YTHDF3: variants seen among roughly 807,000 people sequenced by gnomAD.
The protein encoded by YTHDF3 is YTH N6-methyladenosine RNA binding protein F3, also known as YTH domain-containing family protein 3.
In YTHDF3, 9 loss-of-function variants were observed where a neutral mutation model predicts 52.5. The observed-to-expected ratio is 0.17, with a 90% CI of 0.10 to 0.30. The LOEUF (loss-of-function observed/expected upper bound fraction) is 0.30, where lower values mean the gene tolerates loss of function less well. Among genes scored for constraint, YTHDF3 ranks in the 10% least tolerant of loss-of-function variants. The probability of loss-of-function intolerance (pLI) is 1.00; values close to 1 mark genes in which losing one functional copy is unlikely to be tolerated. For missense variants in YTHDF3, 534 were observed against 715.0 expected, an observed-to-expected ratio of 0.75 and a Z score of 2.89; for synonymous variants, 274 against 243.3, an observed-to-expected ratio of 1.13 and a Z score of -1.18.
intron 4 of YTHDF3, among the ~76,000 whole-genome samples, chr8:63,195,515 C>G (rs969885878): frequency 1.3e-5 from 2 of 151,894 alleles, no homozygotes; most frequent in East Asian, 1.9e-4. Flanking sequence ...TTCAAATGTG[C>G]AGCAATAGAG....
chr8:63,169,122 G>T (rs1807099119), intron 1 of YTHDF3: 5 of 1,421,564 alleles, frequency 3.5e-6, no homozygotes, highest in Non-Finnish European at 3.7e-6. Flanking sequence ...GCAAGGACCG[G>T]TCTTAGGGGC....
intron 4 of YTHDF3, among the ~76,000 whole-genome samples, chr8:63,192,581 A>G (rs1301937397): frequency 6.6e-6 from 1 of 152,102 alleles, no homozygotes; most frequent in Non-Finnish European, 1.5e-5. Flanking sequence ...GTTTTTGTCC[A>G]GTTTTCTTCC....
chr8:63,207,961 T>C (rs941614864), intron 4 of YTHDF3, among the ~76,000 whole-genome samples: 1 of 152,224 alleles, frequency 6.6e-6, no homozygotes, highest in Non-Finnish European at 1.5e-5. Flanking sequence ...TTTCAACTGG[T>C]TTGTGAAAAG....
intron 3 of YTHDF3, among the ~76,000 whole-genome samples, chr8:63,183,352 T>G (rs911828514): frequency 3.3e-5 from 5 of 152,230 alleles, no homozygotes; most frequent in African/African-American, 1.2e-4. Flanking sequence ...TTAATCACAG[T>G]GACTTTTTGT....
chr8:63,195,893 C>T (rs1809206948), intron 4 of YTHDF3, among the ~76,000 whole-genome samples: 1 of 152,006 alleles, frequency 6.6e-6, no homozygotes, highest in Non-Finnish European at 1.5e-5. Context: ...CCTCGACTTT[C>T]CAGGCTCAGG....
intron 4 of YTHDF3, among the ~76,000 whole-genome samples, chr8:63,204,439 G>A (rs1302950127): frequency 2.0e-5 from 3 of 146,766 alleles, no homozygotes; most frequent in Non-Finnish European, 3.0e-5. Context: ...TCGGGTCACC[G>A]CACCCTCCAC....
rs527534600 is a variant in YTHDF3 at position 63,209,587 on chromosome 8, A to G, written c.1735-96A>G. 9.1e-5 allele frequency: 110 copies of G among 1,204,220 alleles called. 1 individual carries two copies. In the East Asian group the frequency reaches 2.4e-3, roughly 26 times the overall value. 74.6% of individuals were successfully genotyped at this position (1,204,220 alleles called of 1,614,324 possible). A position where few individuals can be genotyped will look rare whatever the true frequency, so the allele number is the denominator to read the frequency against. ...ATTAGTACTTGAACTTTATATGGAG[A>G]TGATTTACATTATATGTGCATATAG... On this transcript the variant is annotated intron_variant, in intron 4 of 4. Coordinates refer to ENST00000539294, the MANE Select transcript of YTHDF3 (RefSeq NM_152758.6).
intron 3 of YTHDF3, among the ~76,000 whole-genome samples, chr8:63,183,242 T>C (rs1039253539): frequency 2.0e-5 from 3 of 152,196 alleles, no homozygotes; most frequent in African/African-American, 4.8e-5. Context: ...ATTATAGGCA[T>C]GAACCACGGT....
At chr8:63,190,492 T>C (rs13262420) in intron 4 of YTHDF3, among the ~76,000 whole-genome samples, 7 of 152,188 alleles carry the variant, frequency 4.6e-5, no homozygotes, top group Non-Finnish European at 1.0e-4. Context: ...TATTGTTTCA[T>C]TGTTTTGTTA....
At chr8:63,206,331 G>A (rs1810031043) in intron 4 of YTHDF3, among the ~76,000 whole-genome samples, 1 of 152,068 alleles carries the variant, frequency 6.6e-6, no homozygotes, top group Non-Finnish European at 1.5e-5. Flanking sequence ...CCAAAGTGCT[G>A]GGATTACAGG....
At chr8:63,198,774 T>G (rs1316479746) in intron 4 of YTHDF3, among the ~76,000 whole-genome samples, 3 of 152,222 alleles carry the variant, frequency 2.0e-5, no homozygotes, top group Non-Finnish European at 4.4e-5. Context: ...TGAAGTGTAT[T>G]CTATTACCCT....
intron 4 of YTHDF3, among the ~76,000 whole-genome samples, chr8:63,192,943 C>A (rs1180291011): frequency 5.3e-5 from 8 of 151,744 alleles, no homozygotes; most frequent in Non-Finnish European, 4.4e-5. Context: ...TACTATATCC[C>A]CAAGTGAATA....
chr8:63,177,945 G>A (rs1004321346), intron 3 of YTHDF3, among the ~76,000 whole-genome samples: 1 of 152,020 alleles, frequency 6.6e-6, no homozygotes, highest in African/African-American at 2.4e-5. Context: ...TTTAGGAGAG[G>A]TGAGGTTTCA....
rs777802604 is a variant in YTHDF3, at chr8:63,186,195, G to A, written c.184G>A (p.Ala62Thr). The stretch of plus-strand genomic sequence containing the variant: ...AGATCCATACATGCCTAGTTACTAT[G>A]CTCCATCCATTGGATTTCCATATTC... ...MSDPYMPSYY[A>T]PSIGFPYSLG... The change falls in exon 4 of 5, where the codon GCT becomes ACT. Residue 62 changes from alanine to threonine, a missense_variant. Around this residue, in one of 3 missense-constraint regions of YTHDF3, gnomAD observed 196 missense variants for 299.5 expected, o/e 0.65. Transcript: ENST00000539294. The A allele has an allele frequency of 1.2e-6, 2 of 1,613,812 alleles. No homozygotes were observed. The highest frequency in any genetic ancestry group is 2.7e-5 in the African/African-American group (2 of 74,904).
intron 3 of YTHDF3, among the ~76,000 whole-genome samples, chr8:63,183,612 C>CT (rs1242638229): frequency 9.9e-5 from 15 of 152,152 alleles, no homozygotes; most frequent in African/African-American, 3.6e-4. Context: ...TGTAAAAATG[C>CT]TGTTGATTCC....
At chr8:63,209,637 T>A in intron 4 of YTHDF3, 46 bp from the exon 5 acceptor site, 8 of 1,511,000 alleles carry the variant, frequency 5.3e-6, no homozygotes, top group Non-Finnish European at 7.1e-6. Flanking sequence ...TAATGAGAGT[T>A]TTTCATTGTA....
rs1367728289 is a variant in YTHDF3, at chr8:63,186,789, A to G, written c.778A>G (p.Ile260Val). Residue 260 changes from isoleucine (I) to valine (V), a missense_variant, in exon 4 of 5, where the codon ATT becomes GTT. Ile to Val is a conservative substitution (Grantham distance 29, BLOSUM62 3). Transcript: ENST00000539294. ...ACTTAAACCCAAGGGCAATGTGGGA[A>G]TTGGGGGTTCTGCTGTACCACCACC... ...PKLKPKGNVG[I>V]GGSAVPPPPI... The G allele has an allele frequency of 1.2e-6, 2 of 1,614,010 alleles. No individual in the cohort carries two copies. Among genetic ancestry groups the G allele is most frequent in the Admixed American group, 1.7e-5 (1 of 60,030 alleles).
At chr8:63,181,112 GAAT>G (rs1308192473) in intron 3 of YTHDF3, among the ~76,000 whole-genome samples, 1 of 152,188 alleles carries the variant, frequency 6.6e-6, no homozygotes, top group Non-Finnish European at 1.5e-5. Context: ...TAAATTTGAA[GAAT>G]AATTTGGAAA....
intron 3 of YTHDF3, among the ~76,000 whole-genome samples, chr8:63,182,012 T>G (rs1808173187): frequency 6.6e-6 from 1 of 152,186 alleles, no homozygotes; most frequent in East Asian, 1.9e-4. Flanking sequence ...CACTTTTGGT[T>G]GTTAAATCGG....
Sources: allele counts gnomAD v4.1 joint callset (sites outside exome capture counted in the v4.1 genomes callset), GRCh38; gene constraint gnomAD v4.1.1; regional missense constraint gnomAD v4.1.1; transcripts MANE v1.5; gene names NCBI Gene and HGNC (gene_info 2026-07-23, HGNC 2026-07-21).